PCDHGB4: variants seen among roughly 807,000 people sequenced by gnomAD.
PCDHGB4 encodes the protein protocadherin gamma-B4.
Under a neutral mutation model 60.5 loss-of-function variants are expected in PCDHGB4, and 38 were observed. The observed-to-expected ratio is 0.63, with a 90% CI of 0.48 to 0.82. The LOEUF (loss-of-function observed/expected upper bound fraction) is 0.82. Ranked by LOEUF, PCDHGB4 falls within the 40% of genes least tolerant of loss-of-function variation. The pLI is 0.00. For synonymous variants in PCDHGB4, 456 were observed against 509.7 expected (o/e 0.89, Z 1.42); for missense variants, 1,109 against 1,209.6 (o/e 0.92, Z 1.23).
Position 141,405,224 on chromosome 5 carries a change from T to C in PCDHGB4, c.2397+14943T>C, listed in dbSNP as rs542102197. Reference sequence around the variant, plus strand: ...CCTACAGACCTATTCTCAGGAGTTCTCCCTCACCGCTGACTCAAGGAAGAG... The same window carrying C: ...CCTACAGACCTATTCTCAGGAGTTCCCCCTCACCGCTGACTCAAGGAAGAG... On this transcript the variant is annotated intron_variant, in intron 1 of 3. Coordinates refer to ENST00000519479, the MANE Select transcript of PCDHGB4 (RefSeq NM_003736.4). The C allele has an allele frequency of 2.6e-5, 42 of 1,614,036 alleles. No homozygotes were observed. The African/African-American group carries it at 4.7e-4, about 18-fold the overall frequency.
At chr5:141,430,140 A>C (rs1295602149) in intron 1 of PCDHGB4, among the ~76,000 whole-genome samples, 1 of 152,202 alleles carries the variant, frequency 6.6e-6, no homozygotes, top group Non-Finnish European at 1.5e-5. Context: ...CCTTCCATTC[A>C]GGATCATTCA....
chr5:141,456,353 G>A (rs1041991824), intron 1 of PCDHGB4, among the ~76,000 whole-genome samples: 2 of 152,120 alleles, frequency 1.3e-5, no homozygotes, highest in South Asian at 2.1e-4. Context: ...GAAGAATGGC[G>A]TCCATGTGTG....
At chr5:141,472,022 T>A (rs949257396) in intron 1 of PCDHGB4, among the ~76,000 whole-genome samples, 6 of 152,176 alleles carry the variant, frequency 3.9e-5, no homozygotes, top group African/African-American at 1.4e-4. Context: ...CTATATTGTA[T>A]GTAGAAAGCT....
At position 141,431,316 on chromosome 5, in the gene PCDHGB4, C is replaced by T; in HGVS notation, c.2397+41035C>T. 6.2e-7 allele frequency: 1 copy of T among 1,614,104 alleles called. No individual in the cohort carries two copies. The highest frequency in any genetic ancestry group is 8.5e-7 in the Non-Finnish European group (1 of 1,180,046). The stretch of plus-strand genomic sequence containing the variant: ...TTCTCCCTCATCGTGCAAAATGGAG[C>T]CGACGGTAGTAAGTACCCCGAATTG... On this transcript the variant is annotated intron_variant, in intron 1 of 3. Transcript: ENST00000519479. The surrounding 1 kb of genome is among the most constrained non-coding windows in gnomAD (Gnocchi z 4.8).
chr5:141,388,424 GATAA>G lies in PCDHGB4; in HGVS notation c.546_549del (p.Asn182LysfsTer14). ...TCAGTCCCAGTGATCATTTCTCACT[GATAA>G]ATAAAGAGAAATCAGATGGCAGTAA... On this transcript the variant is annotated frameshift_variant, in exon 1 of 4. Coordinates refer to ENST00000519479, the MANE Select transcript of PCDHGB4 (RefSeq NM_003736.4). LOFTEE classifies it high-confidence loss of function. 1 of 1,613,812 alleles carries G rather than the reference GATAA, an allele frequency of 6.2e-7. No homozygotes were observed. Among genetic ancestry groups the G allele is most frequent in the Non-Finnish European group, 8.5e-7 (1 of 1,179,820 alleles).
At chr5:141,471,932 A>T (rs1015576042) in intron 1 of PCDHGB4, among the ~76,000 whole-genome samples, 1 of 152,158 alleles carries the variant, frequency 6.6e-6, no homozygotes, top group Non-Finnish European at 1.5e-5. Context: ...GGGGGTGATG[A>T]GAGTTTTCTA....
intron 1 of PCDHGB4, chr5:141,441,662 C>T: frequency 3.8e-6 from 1 of 260,740 alleles, no homozygotes; most frequent in Non-Finnish European, 7.7e-6. Flanking sequence ...TGTCCTTGAG[C>T]GCACAGTGCG....
At chr5:141,465,337 G>GCC (rs2099101328) in intron 1 of PCDHGB4, among the ~76,000 whole-genome samples, 6 of 151,962 alleles carry the variant, frequency 3.9e-5, no homozygotes, top group Admixed American at 2.6e-4. Flanking sequence ...TTTTTATATT[G>GCC]GTTACTGAAG....
chr5:141,432,413 G>C lies in PCDHGB4; in HGVS notation c.2397+42132G>C, dbSNP rs369816901. 9 of 1,614,114 alleles carry C rather than the reference G, an allele frequency of 5.6e-6. No homozygotes were observed. The highest frequency in any genetic ancestry group is 1.3e-5 in the African/African-American group (1 of 74,946). ...CAGCAACGTGTCGTTGAGCCTGTTCGTGCTGGACCAGAACGACAATGCGCC... is the reference window on the plus strand; with the variant it reads ...CAGCAACGTGTCGTTGAGCCTGTTCCTGCTGGACCAGAACGACAATGCGCC... On this transcript the variant is annotated intron_variant, in intron 1 of 3. Coordinates refer to ENST00000519479, the MANE Select transcript of PCDHGB4 (RefSeq NM_003736.4). This position sits in a 1 kb window ranked among gnomAD's most constrained non-coding sequence, Gnocchi z 6.0.
intron 1 of PCDHGB4, chr5:141,393,938 C>G (rs537803893): frequency 9.3e-6 from 15 of 1,613,818 alleles, no homozygotes; most frequent in Non-Finnish European, 1.3e-5. Context: ...ATGACCAAGA[C>G]TCTGGAAAGA....
intron 1 of PCDHGB4, chr5:141,478,247 G>A (rs1377698933): frequency 1.2e-6 from 2 of 1,614,074 alleles, no homozygotes; most frequent in Admixed American, 3.3e-5. Context: ...CACAGTGTTC[G>A]GAGTAATCAT....
At chr5:141,455,159 G>GT (rs1390145608) in intron 1 of PCDHGB4, among the ~76,000 whole-genome samples, 2,419 of 144,948 alleles carry the variant, frequency 0.017, 50 homozygotes, top group African/African-American at 0.056. Context: ...TTAGTTTGTT[G>GT]GTTTTTTTTT....
At chr5:141,503,004 C>T (rs114294610) in intron 2 of PCDHGB4, among the ~76,000 whole-genome samples, 5,013 of 145,894 alleles carry the variant, frequency 0.034, 127 homozygotes, top group South Asian at 0.076. Context: ...CCACCATGCC[C>T]GGTTAATTTT....
intron 1 of PCDHGB4, chr5:141,392,278 G>C (rs2092498621): frequency 6.6e-6 from 1 of 152,148 alleles, no homozygotes; most frequent in Non-Finnish European, 1.5e-5. Flanking sequence ...ATAAAGCTTA[G>C]AGCACAATGG....
Position 141,486,397 on chromosome 5 carries a change from G to A in PCDHGB4, c.2398-8410G>A, listed in dbSNP as rs778989869. The A allele has an allele frequency of 5.0e-6, 8 of 1,614,046 alleles. No individual in the cohort carries two copies. The South Asian group carries it at 7.7e-5, about 16-fold the overall frequency. ...CCTTCAGGAACCAGTTCTCCCTGGT[G>A]ACTGCTGGACCCTTGGATCGAGAGG... On this transcript the variant is annotated intron_variant, in intron 1 of 3. Transcript: ENST00000519479. The surrounding 1 kb of genome is among the most constrained non-coding windows in gnomAD (Gnocchi z 5.0).
chr5:141,387,787 A>C lies in PCDHGB4; in HGVS notation c.-98A>C, dbSNP rs2091094069. ...GAATTTTTTCTTGAACTGGAACTGCAACTAAAGTCCGTTCGGAGATCCAAA... is the reference window on the plus strand; with the variant it reads ...GAATTTTTTCTTGAACTGGAACTGCCACTAAAGTCCGTTCGGAGATCCAAA... On this transcript the variant is annotated 5_prime_UTR_variant, in exon 1 of 4. Transcript: ENST00000519479. The C allele has an allele frequency of 6.1e-6, 9 of 1,479,268 alleles. No homozygotes were observed. The highest frequency in any genetic ancestry group is 1.8e-6 in the Non-Finnish European group (2 of 1,109,796). 91.6% of individuals were successfully genotyped at this position (1,479,268 alleles called of 1,614,324 possible). A position where few individuals can be genotyped will look rare whatever the true frequency, so the allele number is the denominator to read the frequency against.
intron 1 of PCDHGB4, chr5:141,416,674 G>T (rs547618174): frequency 6.6e-6 from 1 of 152,132 alleles, no homozygotes; most frequent in Non-Finnish European, 1.5e-5. Context: ...TATATGCAAC[G>T]AAGGGAAATT....
Position 141,408,922 on chromosome 5 carries a change from G to A in PCDHGB4, c.2397+18641G>A, listed in dbSNP as rs762449366. ...TCAAGGATACCAATGATAACCCCCC[G>A]GTTTTCAGCAGAGACGAATATAGAA... On this transcript the variant is annotated intron_variant, in intron 1 of 3. Coordinates refer to ENST00000519479, the MANE Select transcript of PCDHGB4 (RefSeq NM_003736.4). 3.7e-6 allele frequency: 6 copies of A among 1,613,104 alleles called. No homozygotes were observed. In the Admixed American group the frequency reaches 8.3e-5, roughly 22 times the overall value.
intron 1 of PCDHGB4, chr5:141,394,806 G>A: frequency 6.2e-7 from 1 of 1,613,852 alleles, no homozygotes; most frequent in Non-Finnish European, 8.5e-7. Flanking sequence ...CGTAGCCGTG[G>A]CTGACAGCAT....
Sources: allele counts gnomAD v4.1 joint callset (sites outside exome capture counted in the v4.1 genomes callset), GRCh38; gene constraint gnomAD v4.1.1; non-coding constraint Gnocchi (gnomAD v3.1); transcripts MANE v1.5; gene names NCBI Gene and HGNC (gene_info 2026-07-23, HGNC 2026-07-21).